The following XPR1 variants were observed in gnomAD, a reference collection of about 807,000 sequenced individuals.
XPR1 encodes xenotropic and polytropic retrovirus receptor 1.
A neutral mutation model predicts 87.5 loss-of-function variants in XPR1; 28 were observed. The observed-to-expected ratio is 0.32, with a 90% CI of 0.24 to 0.44. The LOEUF is 0.44. Ranked by LOEUF, XPR1 falls within the 20% of genes least tolerant of loss-of-function variation. The pLI is 1.00. For missense variants in XPR1, 559 were observed against 862.3 expected, an observed-to-expected ratio of 0.65 and a Z score of 4.41; for synonymous variants, 300 against 306.1, an observed-to-expected ratio of 0.98 and a Z score of 0.21.
At chr1:180,741,473 C>CT (rs1470565177) in intron 2 of XPR1, among the ~76,000 whole-genome samples, 2 of 151,524 alleles carry the variant, frequency 1.3e-5, no homozygotes, top group African/African-American at 4.8e-5. Flanking sequence ...GCCAAGATTT[C>CT]TTTTTTGGAA....
Position 180,873,905 on chromosome 1 carries a change from A to G in XPR1, c.1771A>G (p.Ile591Val). Residue 591 changes from isoleucine to valine, a missense_variant, in exon 13 of 15, where the codon ATC (isoleucine) becomes GTC (valine). By Grantham distance (29) the Ile-to-Val change is conservative (BLOSUM62 3). This residue lies in a region of XPR1 where 264 missense variants were observed against 377.2 expected (regional missense o/e 0.70). Coordinates refer to ENST00000367590, the MANE Select transcript of XPR1 (RefSeq NM_004736.4). ...STTLLPHSGDIIATVFAPLEV... is the reference protein window; with the variant it reads ...STTLLPHSGDVIATVFAPLEV... ...AACTTTGTTGCCTCATTCTGGGGAC[A>G]TCATTGCTACTGTCTTTGCCCCACT... is the stretch of plus-strand genomic sequence containing the variant. 2.5e-6 allele frequency: 4 copies of G among 1,614,136 alleles called. No homozygotes were observed. The highest frequency in any genetic ancestry group is 1.1e-5 in the South Asian group (1 of 91,058).
At chr1:180,751,983 A>G (rs72723011) in intron 2 of XPR1, among the ~76,000 whole-genome samples, 3,058 of 152,274 alleles carry the variant, frequency 0.02, 50 homozygotes, top group Non-Finnish European at 0.029. Context: ...TGGGGATATG[A>G]ACTTGGAAAC....
intron 2 of XPR1, among the ~76,000 whole-genome samples, chr1:180,687,831 CAA>C (rs1232192013): frequency 2.6e-5 from 4 of 151,416 alleles, no homozygotes; most frequent in Non-Finnish European, 1.5e-5. Context: ...TATTCCTTAT[CAA>C]TATATATGTA....
At chr1:180,641,942 T>A (rs974574286) in intron 1 of XPR1, among the ~76,000 whole-genome samples, 9 of 152,198 alleles carry the variant, frequency 5.9e-5, no homozygotes, top group Non-Finnish European at 1.0e-4. Flanking sequence ...CAGTAGGGAT[T>A]TAAATGTTCT....
At chr1:180,882,292 G>GT (rs1253223719) in intron 14 of XPR1, among the ~76,000 whole-genome samples, 5 of 152,184 alleles carry the variant, frequency 3.3e-5, no homozygotes, top group Non-Finnish European at 7.3e-5. Flanking sequence ...TAAGATCTGA[G>GT]TTTCAGTACT....
At chr1:180,710,894 C>T (rs540867612) in intron 2 of XPR1, among the ~76,000 whole-genome samples, 15 of 151,174 alleles carry the variant, frequency 9.9e-5, no homozygotes, top group East Asian at 2.0e-4. Context: ...ACCTCCCAGA[C>T]GGGGCGGCTG....
intron 2 of XPR1, among the ~76,000 whole-genome samples, chr1:180,747,510 G>A (rs923487502): frequency 8.5e-5 from 13 of 152,080 alleles, no homozygotes; most frequent in Admixed American, 6.6e-4. Flanking sequence ...GAAATTATCC[G>A]TTATTTATTT....
intron 2 of XPR1, among the ~76,000 whole-genome samples, chr1:180,698,189 C>A (rs1215964785): frequency 6.6e-6 from 1 of 151,950 alleles, no homozygotes; most frequent in Non-Finnish European, 1.5e-5. Context: ...TATTTAATGA[C>A]CTTCTTTGTC....
At chr1:180,714,349 TTCTCTC>T (rs71121047) in intron 2 of XPR1, among the ~76,000 whole-genome samples, 5,577 of 71,954 alleles carry the variant, frequency 0.078, 265 homozygotes, top group Admixed American at 0.1. Context: ...TTTTTCCCTG[TTCTCTC>T]TCTCTCTCTC....
intron 2 of XPR1, among the ~76,000 whole-genome samples, chr1:180,760,512 C>G (rs1647976051): frequency 6.6e-6 from 1 of 152,124 alleles, no homozygotes; most frequent in South Asian, 2.1e-4. Context: ...CTTCCATTCA[C>G]CATTGCTTCA....
chr1:180,687,614 G>A (rs979997016), intron 2 of XPR1, among the ~76,000 whole-genome samples: 13 of 152,130 alleles, frequency 8.5e-5, no homozygotes, highest in African/African-American at 1.9e-4. Context: ...AGTGTATTGA[G>A]AAATTATGTT....
chr1:180,683,893 T>G (rs1416979505), intron 2 of XPR1, among the ~76,000 whole-genome samples: 3 of 152,082 alleles, frequency 2.0e-5, no homozygotes, highest in Non-Finnish European at 4.4e-5. Context: ...TTGCAAAAAT[T>G]TTCTCCCATT....
intron 2 of XPR1, among the ~76,000 whole-genome samples, chr1:180,762,600 T>C (rs1186904430): frequency 6.6e-6 from 1 of 152,144 alleles, no homozygotes; most frequent in South Asian, 2.1e-4. Context: ...GCCTTAACTT[T>C]TTAAAGATTT....
At chr1:180,854,479 C>CTG (rs1449155487) in intron 11 of XPR1, among the ~76,000 whole-genome samples, 1 of 152,182 alleles carries the variant, frequency 6.6e-6, no homozygotes, top group Non-Finnish European at 1.5e-5. Context: ...AAATTCGGCT[C>CTG]TTTGTGTCAA....
rs1430907159 is a variant in XPR1, at chr1:180,887,223, CA to C, written c.*3159del. ...TCACAGACTCATTTTAAAGGAGCAGCAACCTAACCAAATACAAACTTCATTT... is the reference window on the plus strand; with the variant it reads ...TCACAGACTCATTTTAAAGGAGCAGCACCTAACCAAATACAAACTTCATTT... On this transcript the variant is annotated 3_prime_UTR_variant, in exon 15 of 15. Transcript: ENST00000367590. 2 of 152,198 alleles carry C rather than the reference CA, an allele frequency of 1.3e-5. No individual in the cohort carries two copies. The highest frequency in any genetic ancestry group is 2.9e-5 in the Non-Finnish European group (2 of 68,032). The allele number at this position is 152,198 out of a possible 1,614,324, so 9.4% of individuals were successfully genotyped here.
chr1:180,741,202 CG>C (rs1557984081), intron 2 of XPR1, among the ~76,000 whole-genome samples: 1 of 152,156 alleles, frequency 6.6e-6, no homozygotes, highest in African/African-American at 2.4e-5. Flanking sequence ...CTCACTCTGT[CG>C]CCCAGGCTGG....
chr1:180,856,102 A>G (rs748993517), intron 11 of XPR1, among the ~76,000 whole-genome samples: 9 of 152,070 alleles, frequency 5.9e-5, no homozygotes, highest in Non-Finnish European at 1.3e-4. Flanking sequence ...CCTTTTCTCT[A>G]TCCTGCATCT....
chr1:180,818,817 A>C (rs1397302820), intron 7 of XPR1, among the ~76,000 whole-genome samples: 1 of 152,236 alleles, frequency 6.6e-6, no homozygotes, highest in Admixed American at 6.5e-5. Flanking sequence ...CAGGGAGATC[A>C]TGCCAAATGA....
intron 11 of XPR1, among the ~76,000 whole-genome samples, chr1:180,845,832 C>G (rs1651662678): frequency 6.6e-6 from 1 of 152,178 alleles, no homozygotes; most frequent in African/African-American, 2.4e-5. Flanking sequence ...AATAATTTCT[C>G]TCTGCCAGAA....
Sources: allele counts gnomAD v4.1 joint callset (sites outside exome capture counted in the v4.1 genomes callset), GRCh38; gene constraint gnomAD v4.1.1; regional missense constraint gnomAD v4.1.1; transcripts MANE v1.5; gene names NCBI Gene and HGNC (gene_info 2026-07-23, HGNC 2026-07-21).